Variants in GPR135 observed in about 807,000 individuals in gnomAD.
GPR135 encodes the protein G protein-coupled receptor 135.
GPR135 carries 17 observed loss-of-function variants against 15.0 expected under a neutral mutation model. The ratio of observed to expected loss-of-function variants is 1.13; its 90% CI spans 0.78 to 1.70. The LOEUF (loss-of-function observed/expected upper bound fraction) is 1.70, where lower values mean the gene tolerates loss of function less well. GPR135 is among the 40% of genes most tolerant of loss of function. The pLI, the probability that GPR135 is intolerant of heterozygous loss-of-function variation, is 0.00. For synonymous variants in GPR135, 368 were observed against 349.4 expected, an observed-to-expected ratio of 1.05 and a Z score of -0.59; for missense variants, 776 against 727.0, an observed-to-expected ratio of 1.07 and a Z score of -0.78.
chr14:59,453,306 C>A (rs915740352), intron 6 of GPR135, among the ~76,000 whole-genome samples: 5 of 152,060 alleles, frequency 3.3e-5, no homozygotes, highest in South Asian at 2.1e-4. Context: ...ATATTGGTAA[C>A]AGGTGAGGTT....
chr14:59,455,701 T>A (rs1371746770), exon 6 of GPR135: 1 of 125,356 alleles, frequency 8.0e-6, no homozygotes, highest in Non-Finnish European at 1.7e-5. Flanking sequence ...TGTGGGCTCC[T>A]CCATAGGGCT....
chr14:59,454,590 G>A (rs935759423), intron 6 of GPR135, among the ~76,000 whole-genome samples: 3 of 152,078 alleles, frequency 2.0e-5, no homozygotes, highest in Non-Finnish European at 4.4e-5. Context: ...TTCCTTGTAC[G>A]CACAGGACTT....
intron 6 of GPR135, among the ~76,000 whole-genome samples, chr14:59,453,433 C>T (rs1888554359): frequency 6.6e-6 from 1 of 152,146 alleles, no homozygotes; most frequent in African/African-American, 2.4e-5. Context: ...GAAAAGATGC[C>T]ATGTTTGAAG....
At chr14:59,459,866 T>C (rs1888793664), downstream of GPR135, among the ~76,000 whole-genome samples, 1 of 152,116 alleles carries the variant, frequency 6.6e-6, no homozygotes, top group Non-Finnish European at 1.5e-5. Flanking sequence ...GGAACAGAAG[T>C]AATAGATAGC....
At chr14:59,454,475 T>C (rs1888587225) in intron 6 of GPR135, among the ~76,000 whole-genome samples, 1 of 152,100 alleles carries the variant, frequency 6.6e-6, no homozygotes, top group African/African-American at 2.4e-5. Context: ...AAGCAATGAG[T>C]GTAGGAGCCA....
chr14:59,457,564 T>C (rs937758675), downstream of GPR135, among the ~76,000 whole-genome samples: 1 of 152,204 alleles, frequency 6.6e-6, no homozygotes, highest in African/African-American at 2.4e-5. Flanking sequence ...TATTCAAGTT[T>C]GCTAATTCTT....
chr14:59,456,779 G>C (rs768845739), downstream of GPR135, among the ~76,000 whole-genome samples: 1 of 152,034 alleles, frequency 6.6e-6, no homozygotes, highest in African/African-American at 2.4e-5. Context: ...TTGATATTTT[G>C]ATATATCCAT....
At position 59,463,960 on chromosome 14, in the gene GPR135, G is replaced by A. The variant is rs1356810222; in HGVS notation, c.1267C>T (p.Gln423Ter). Reference sequence around the variant, plus strand: ...CGAAGGCGACTGCGGCTTCTGGCTTGCAGACCCGGGCCCTGGCTGGGCAGG... The same window carrying A: ...CGAAGGCGACTGCGGCTTCTGGCTTACAGACCCGGGCCCTGGCTGGGCAGG... ...AFLPSQGPGL[Q>*]ARSRSRLRNR... The change falls in exon 1 of 1, where the codon CAA becomes TAA. Residue 423 changes from glutamine (Q) to a stop codon, truncating the protein, a stop_gained. Transcript: ENST00000395116. LOFTEE classifies it low-confidence loss of function (END_TRUNC). 6.2e-7 allele frequency: 1 copy of A among 1,613,994 alleles called. No homozygotes were observed.
In GPR135 at chr14:59,464,043, G is replaced by A. The variant is rs776476442; in HGVS notation, c.1184C>T (p.Ser395Leu). ...CTCGCGGTTGCGCCCTAGGAGCATC[G>A]AAATGTTGGGATTGCGGATGGCGTA... ...VIYAIRNPNI[S>L]MLLGRNREEG... is the part of the protein sequence containing the mutation. The change falls in exon 1 of 1, where the codon TCG becomes TTG. Residue 395 changes from serine to leucine, a missense_variant. By Grantham distance (145) the Ser-to-Leu change is moderately radical (BLOSUM62 -2). Transcript: ENST00000395116. The A allele has an allele frequency of 2.5e-6, 4 of 1,613,726 alleles. No homozygotes were observed. The highest frequency in any genetic ancestry group is 1.1e-5 in the South Asian group (1 of 91,086).
chr14:59,464,691 G>A lies in GPR135; in HGVS notation c.536C>T (p.Pro179Leu). The change falls in exon 1 of 1, where the codon CCC becomes CTC. Residue 179 changes from proline (P) to leucine (L), a missense_variant. Coordinates refer to ENST00000395116, the MANE Select transcript of GPR135 (RefSeq NM_022571.6). ...GCTGGCGGCGCAGAAGCCGCGCCAG[G>A]GCCCCGCGGCGGCGGCAGGCGCCGA... is the stretch of plus-strand genomic sequence containing the variant. ...GGSAPAAAAG[P>L]WRGFCAASRF... is the part of the protein sequence containing the mutation. 6.3e-7 allele frequency: 1 copy of A among 1,577,050 alleles called. No individual in the cohort carries two copies. Among genetic ancestry groups the A allele is most frequent in the Non-Finnish European group, 8.6e-7 (1 of 1,166,104 alleles).
rs574844181 is a variant in GPR135, at chr14:59,464,136, G to A, written c.1091C>T (p.Ala364Val). 2.3e-5 allele frequency: 37 copies of A among 1,609,638 alleles called. No individual in the cohort carries two copies. In the South Asian group the frequency reaches 3.8e-4, roughly 17 times the overall value. ...GGCCACCACGCTGAGGAGCGAGGGG[G>A]CCTGCATGGTCTGGGCCTGCCGGGC... ...AAARQAQTMQ[A>V]PSLLSVVAVW... Residue 364 changes from alanine (A) to valine (V), a missense_variant, in exon 1 of 1, where the codon GCC (alanine) becomes GTC (valine). Coordinates refer to ENST00000395116, the MANE Select transcript of GPR135 (RefSeq NM_022571.6).
rs548428658 is a variant in GPR135, at chr14:59,453,412, A to T, written c.*874+2272T>A. ...GATGCTCTGAAAAATAAAGCCTACT[A>T]AAAAAAAGTTGAAAAGATGCCATGT... On this transcript the variant is annotated intron_variant and NMD_transcript_variant, in intron 6 of 6. Transcript: ENST00000481661. Among the ~76,000 whole-genome samples the T allele has an allele frequency of 2.8e-4, 43 of 152,144 alleles. No homozygotes were observed. In the South Asian group the frequency reaches 4.8e-3, roughly 17 times the overall value.
At position 59,463,880 on chromosome 14, in the gene GPR135, C is replaced by T; in HGVS notation, c.1347G>A (p.Pro449=). 1 of 1,614,112 alleles carries T rather than the reference C, an allele frequency of 6.2e-7. No individual in the cohort carries two copies. The highest frequency in any genetic ancestry group is 8.5e-7 in the Non-Finnish European group (1 of 1,179,982). Residue 449 remains proline, a synonymous_variant, in exon 1 of 1, where the codon CCG becomes CCA. Transcript: ENST00000395116. The stretch of plus-strand genomic sequence containing the variant: ...CCACGTCCCCTGCCACTCCGCTGGC[C>T]GGGTTGGAAGAGGACATCCTGTTGC... ...GACNRMSSSN[P]ASGVAGDVAM...
chr14:59,464,393 GC>G lies in GPR135; in HGVS notation c.833del (p.Ser278ThrfsTer37). 1 of 1,601,512 alleles carries G rather than the reference GC, an allele frequency of 6.2e-7. No individual in the cohort carries two copies. The highest frequency in any genetic ancestry group is 8.5e-7 in the Non-Finnish European group (1 of 1,174,988). ...PDPAQLGAAFSVGLVVACYLL... is the reference protein window; with the variant it reads ...PDPAQLGAAFXVGLVVACYLL... ...GGTAGCAGGCCACCACCAGCCCCAC[GC>G]TGAAGGCCGCGCCCAGCTGCGCGGG... is the stretch of plus-strand genomic sequence containing the variant. On this transcript the variant is annotated frameshift_variant, in exon 1 of 1. Transcript: ENST00000395116. LOFTEE classifies it high-confidence loss of function.
downstream of GPR135, among the ~76,000 whole-genome samples, chr14:59,459,606 A>G (rs1293802073): frequency 6.6e-6 from 1 of 152,268 alleles, no homozygotes; most frequent in Non-Finnish European, 1.5e-5. Context: ...AAGTTTTACC[A>G]TCTGGCAGAG....
chr14:59,453,298 A>G (rs1888549125), intron 6 of GPR135, among the ~76,000 whole-genome samples: 1 of 152,206 alleles, frequency 6.6e-6, no homozygotes, highest in African/African-American at 2.4e-5. Context: ...GGTGGGGGAT[A>G]TTGGTAACAG....
chr14:59,460,244 G>A (rs138048282), downstream of GPR135: 1 of 152,354 alleles, frequency 6.6e-6, no homozygotes, highest in East Asian at 1.9e-4. Flanking sequence ...ACTGGAGCAG[G>A]AATGGGGAAG....
chr14:59,464,272 G>A lies in GPR135; in HGVS notation c.955C>T (p.Arg319Cys), dbSNP rs1473607036. 3.1e-6 allele frequency: 5 copies of A among 1,612,196 alleles called. No individual in the cohort carries two copies. The highest frequency in any genetic ancestry group is 3.4e-6 in the Non-Finnish European group (4 of 1,179,864). Residue 319 changes from arginine to cysteine, a missense_variant, in exon 1 of 1, where the codon CGC (arginine) becomes TGC (cysteine). Arg to Cys is a radical substitution (Grantham distance 180). Coordinates refer to ENST00000395116, the MANE Select transcript of GPR135 (RefSeq NM_022571.6). ...ACCTCGCTGAAGAAGCGCAGCACGC[G>A]CGCGTAGGTGTTCACCGGCCGCACG... ...VRVRPVNTYA[R>C]VLRFFSEVRT...
At position 59,462,551 on chromosome 14, in the gene GPR135, C is replaced by T. The variant is rs536533886; in HGVS notation, c.*1191G>A. The T allele has an allele frequency of 7.9e-5, 12 of 152,182 alleles. No homozygotes were observed. The East Asian group carries it at 1.3e-3, about 17-fold the overall frequency. The allele number at this position is 152,182 out of a possible 1,614,324, so 9.4% of individuals were successfully genotyped here. ...CTCCCTTTAATAAATACATTATCTT[C>T]GACAAGTCATAGCTATAAAGCAACC... On this transcript the variant is annotated 3_prime_UTR_variant, in exon 1 of 1. Coordinates refer to ENST00000395116, the MANE Select transcript of GPR135 (RefSeq NM_022571.6).
Sources: allele counts gnomAD v4.1 joint callset (sites outside exome capture counted in the v4.1 genomes callset), GRCh38; gene constraint gnomAD v4.1.1; transcripts MANE v1.5; gene names NCBI Gene and HGNC (gene_info 2026-07-23, HGNC 2026-07-21).